The following CDV3 variants were observed in gnomAD, a reference collection of about 807,000 sequenced individuals.
CDV3 encodes the protein CDV3 homolog.
CDV3 carries 14 observed loss-of-function variants against 24.5 expected under a neutral mutation model. The observed-to-expected ratio is 0.57, with a 90% CI of 0.38 to 0.89. CDV3 has a LOEUF of 0.89. Among genes scored for constraint, CDV3 ranks in the 40% least tolerant of loss-of-function variants. The pLI is 0.00. For missense variants in CDV3, 304 were observed against 310.2 expected (o/e 0.98, Z 0.15); for synonymous variants, 114 against 114.1 (o/e 1.00, Z 0.00).
At chr3:133,578,413 A>G (rs1411297373) in intron 2 of CDV3, among the ~76,000 whole-genome samples, 2 of 152,242 alleles carry the variant, frequency 1.3e-5, no homozygotes, top group Non-Finnish European at 2.9e-5. Context: ...TTGGTGAGAA[A>G]TCTAGACTTA....
At chr3:133,587,486 G>A (rs897219908) in intron 4 of CDV3, 16 of 1,121,774 alleles carry the variant, frequency 1.4e-5, no homozygotes, top group Middle Eastern at 3.8e-4. Flanking sequence ...CCACAAAATC[G>A]ATGTGAGGAG....
chr3:133,578,375 C>A (rs2074895935), intron 2 of CDV3, among the ~76,000 whole-genome samples: 1 of 152,160 alleles, frequency 6.6e-6, no homozygotes, highest in Non-Finnish European at 1.5e-5. Flanking sequence ...TAATTGAGTT[C>A]TTGGAGCCCA....
In CDV3 at chr3:133,574,299, G is replaced by A; in HGVS notation, c.240+15G>A. 1 of 971,344 alleles carries A rather than the reference G, an allele frequency of 1.0e-6. No homozygotes were observed. The highest frequency in any genetic ancestry group is 1.2e-6 in the Non-Finnish European group (1 of 816,770). The allele number at this position is 971,344 out of a possible 1,614,324, so 60.2% of individuals were successfully genotyped here. On this transcript the variant is annotated intron_variant, in intron 1 of 4. Transcript: ENST00000264993. ...CTGTGACGAAGGTGAGGGGCCGGGA[G>A]GCCGGCACTCGGGGCCCGGGCCGCG... is the stretch of plus-strand genomic sequence containing the variant.
intron 2 of CDV3, among the ~76,000 whole-genome samples, chr3:133,580,392 C>T (rs2074969689): frequency 6.6e-6 from 1 of 152,034 alleles, no homozygotes; most frequent in South Asian, 2.1e-4. Flanking sequence ...TGGAAAAACC[C>T]AAAATATTTA....
chr3:133,586,529 A>G (rs1576659271), intron 3 of CDV3, 34 bp from the exon 4 acceptor site: 5 of 1,160,186 alleles, frequency 4.3e-6, no homozygotes, highest in Non-Finnish European at 6.4e-6. Flanking sequence ...TGAGCATTTA[A>G]ATAGTTTATC....
At chr3:133,587,837 T>C in intron 4 of CDV3, 59 bp from the exon 5 acceptor site, 1 of 1,530,968 alleles carries the variant, frequency 6.5e-7, no homozygotes, top group Admixed American at 2.2e-5. Context: ...CAAGGACGAA[T>C]ATTTTCAAAA....
intron 2 of CDV3, among the ~76,000 whole-genome samples, chr3:133,583,430 C>T (rs550749634): frequency 1.4e-4 from 21 of 152,254 alleles, no homozygotes; most frequent in Non-Finnish European, 2.6e-4. Context: ...TTCAGCTCAC[C>T]TTCTTCTCTG....
chr3:133,587,091 A>G (rs757069099), intron 4 of CDV3: 4 of 788,668 alleles, frequency 5.1e-6, no homozygotes, highest in Non-Finnish European at 7.6e-6. Flanking sequence ...TTGTATTCCC[A>G]GTTAATGTGA....
At chr3:133,585,502 T>TC (rs1422035062) in intron 3 of CDV3, among the ~76,000 whole-genome samples, 1 of 144,138 alleles carries the variant, frequency 6.9e-6, no homozygotes, top group African/African-American at 2.7e-5. Flanking sequence ...TTCTTTTTCT[T>TC]TTTTTTTTTT....
In CDV3 at chr3:133,588,458, G is replaced by T. The variant is rs1419743923; in HGVS notation, c.*412G>T. 2.4e-6 allele frequency: 3 copies of T among 1,251,324 alleles called. No individual in the cohort carries two copies. The highest frequency in any genetic ancestry group is 2.5e-5 in the East Asian group (1 of 39,480). The allele number at this position is 1,251,324 out of a possible 1,614,324, so 77.5% of individuals were successfully genotyped here. On this transcript the variant is annotated 3_prime_UTR_variant, in exon 5 of 5. Coordinates refer to ENST00000264993, the MANE Select transcript of CDV3 (RefSeq NM_017548.5). The stretch of plus-strand genomic sequence containing the variant: ...AAGAAGATTACAACTATTAAGTGTC[G>T]ATGTGAACCTTGCAACCAGCTCTAC...
rs1401026683 is a variant in CDV3, at chr3:133,573,925, G to A, written c.-120G>A. The stretch of plus-strand genomic sequence containing the variant: ...CGCGCACGCCTCGGCGACCCCGCGG[G>A]GCTGAGGCGTCGCCGCGCCCGGCAG... On this transcript the variant is annotated 5_prime_UTR_variant, in exon 1 of 5. Transcript: ENST00000264993. 1.3e-5 allele frequency: 10 copies of A among 788,120 alleles called. No homozygotes were observed. Among genetic ancestry groups the A allele is most frequent in the African/African-American group, 1.1e-4 (6 of 53,002 alleles). The allele number at this position is 788,120 out of a possible 1,614,324, so 48.8% of individuals were successfully genotyped here.
At position 133,588,797 on chromosome 3, in the gene CDV3, G is replaced by T. The variant is rs377100520; in HGVS notation, c.*751G>T. ...GGGAAGGGAGAGAATAATCTTGGGG[G>T]TTTTTTTTTTTTGGTAATTTTTTTA... On this transcript the variant is annotated 3_prime_UTR_variant, in exon 5 of 5. Coordinates refer to ENST00000264993, the MANE Select transcript of CDV3 (RefSeq NM_017548.5). The T allele has an allele frequency of 1.1e-3, 159 of 151,418 alleles. 1 individual carries two copies. Among genetic ancestry groups the T allele is most frequent in the African/African-American group, 1.9e-3 (77 of 40,082 alleles). 9.4% of individuals were successfully genotyped at this position (151,418 alleles called of 1,614,324 possible). A position where few individuals can be genotyped will look rare whatever the true frequency, so the allele number is the denominator to read the frequency against.
intron 2 of CDV3, among the ~76,000 whole-genome samples, chr3:133,575,588 C>T (rs1192357888): frequency 6.8e-6 from 1 of 148,134 alleles, no homozygotes; most frequent in Non-Finnish European, 1.5e-5. Context: ...AGCACCAGGT[C>T]AAGAAACTGA....
At chr3:133,578,402 T>G (rs759103687) in intron 2 of CDV3, among the ~76,000 whole-genome samples, 12 of 152,240 alleles carry the variant, frequency 7.9e-5, no homozygotes, top group Non-Finnish European at 1.5e-4. Flanking sequence ...TTCTAGAAAC[T>G]TTGGTGAGAA....
intron 3 of CDV3, among the ~76,000 whole-genome samples, chr3:133,584,878 G>GT (rs1300528305): frequency 1.3e-5 from 2 of 152,140 alleles, no homozygotes; most frequent in East Asian, 3.9e-4. Flanking sequence ...ATTTCATGGA[G>GT]TGGGGGGCAG....
chr3:133,587,230 C>A, intron 4 of CDV3: 1 of 1,300,870 alleles, frequency 7.7e-7, no homozygotes, highest in East Asian at 2.9e-5. Context: ...ACTTTAGGGA[C>A]ATGAATTTTT....
chr3:133,576,841 CTTTTT>C (rs370619351), intron 2 of CDV3, among the ~76,000 whole-genome samples: 34 of 62,392 alleles, frequency 5.4e-4, no homozygotes, highest in South Asian at 2.8e-3. Context: ...GGTAGACTAG[CTTTTT>C]TTTTTTTTTT....
chr3:133,577,885 GT>G (rs2074874813), intron 2 of CDV3, among the ~76,000 whole-genome samples: 2 of 152,210 alleles, frequency 1.3e-5, no homozygotes, highest in African/African-American at 4.8e-5. Context: ...AGGTCATGCT[GT>G]TATAGACAGA....
In CDV3 at chr3:133,589,705, AT is replaced by A. The variant is rs1933933881; in HGVS notation, c.*1661del. The stretch of plus-strand genomic sequence containing the variant: ...TCTTGACGAAAGTGTCCGTGCAGGA[AT>A]TGGACTCCGAGGAGGGTTACAGTAT... On this transcript the variant is annotated 3_prime_UTR_variant, in exon 5 of 5. Coordinates refer to ENST00000264993, the MANE Select transcript of CDV3 (RefSeq NM_017548.5). 6.6e-6 allele frequency: 1 copy of A among 152,564 alleles called. No homozygotes were observed. Among genetic ancestry groups the A allele is most frequent in the African/African-American group, 2.4e-5 (1 of 41,432 alleles). The allele number at this position is 152,564 out of a possible 1,614,324, so 9.5% of individuals were successfully genotyped here. A position where few individuals can be genotyped will look rare whatever the true frequency, so the allele number is the denominator to read the frequency against.
Sources: gnomAD v4.1 joint callset for allele counts (sites outside exome capture counted in the v4.1 genomes callset) on GRCh38, gnomAD v4.1.1 for gene constraint, MANE v1.5 for transcripts, NCBI Gene and HGNC (gene_info 2026-07-23, HGNC 2026-07-21) for gene names.